The following UBE2E2 variants were observed in gnomAD, a reference collection of about 807,000 sequenced individuals.
The protein encoded by UBE2E2 is ubiquitin conjugating enzyme E2 E2.
A neutral mutation model predicts 24.7 loss-of-function variants in UBE2E2; 6 were observed. That is an observed-to-expected ratio of 0.24 (90% confidence interval 0.13 to 0.48). The LOEUF (loss-of-function observed/expected upper bound fraction) is 0.48. Among genes scored for constraint, UBE2E2 ranks in the 20% least tolerant of loss-of-function variants. UBE2E2 has a pLI of 0.99. For missense variants in UBE2E2, 169 were observed against 245.0 expected, an observed-to-expected ratio of 0.69 and a Z score of 2.07; for synonymous variants, 104 against 83.6, an observed-to-expected ratio of 1.24 and a Z score of -1.33.
intron 3 of UBE2E2, among the ~76,000 whole-genome samples, chr3:23,335,883 A>G (rs1017595925): frequency 6.6e-6 from 1 of 152,166 alleles, no homozygotes; most frequent in Non-Finnish European, 1.5e-5. Context: ...TACTACGAAC[A>G]AGGTAAAAGG....
chr3:23,521,446 G>A (rs865816019), intron 4 of UBE2E2, among the ~76,000 whole-genome samples: 19 of 152,172 alleles, frequency 1.2e-4, no homozygotes, highest in Non-Finnish European at 2.6e-4. Flanking sequence ...AGCCAGAAAT[G>A]AATCATCTTG....
chr3:23,526,736 T>G (rs538117687), intron 4 of UBE2E2, among the ~76,000 whole-genome samples: 1 of 152,320 alleles, frequency 6.6e-6, no homozygotes, highest in South Asian at 2.1e-4. Flanking sequence ...TTAGAACATG[T>G]TGGAACAGTC....
Position 23,591,502 on chromosome 3 carries a change from T to G in UBE2E2, c.*1671T>G, listed in dbSNP as rs992044971. On this transcript the variant is annotated 3_prime_UTR_variant, in exon 6 of 6. Transcript: ENST00000396703. ...GTCTTTTTAATAACGATTTTACCAT[T>G]CATTTTATTTAAAAACATTTCTCAG... 6.6e-6 allele frequency: 1 copy of G among 152,212 alleles called. No individual in the cohort carries two copies. Among genetic ancestry groups the G allele is most frequent in the Non-Finnish European group, 1.5e-5 (1 of 68,040 alleles). The allele number at this position is 152,212 out of a possible 1,614,324, so 9.4% of individuals were successfully genotyped here. A position where few individuals can be genotyped will look rare whatever the true frequency, so the allele number is the denominator to read the frequency against.
At chr3:23,314,885 T>G (rs1197975956) in intron 3 of UBE2E2, among the ~76,000 whole-genome samples, 1 of 152,224 alleles carries the variant, frequency 6.6e-6, no homozygotes, top group East Asian at 1.9e-4. Context: ...TCCTTTATTC[T>G]TGAACTTTGG....
At chr3:23,558,848 C>T (rs538016065) in intron 5 of UBE2E2, among the ~76,000 whole-genome samples, 2 of 152,184 alleles carry the variant, frequency 1.3e-5, no homozygotes, top group South Asian at 4.2e-4. Flanking sequence ...TCCCTTGAGC[C>T]CAGGAGCTCA....
At chr3:23,275,996 G>A (rs1011449729) in intron 3 of UBE2E2, among the ~76,000 whole-genome samples, 7 of 152,110 alleles carry the variant, frequency 4.6e-5, no homozygotes, top group Non-Finnish European at 1.0e-4. Context: ...TTAACTGAAT[G>A]ATACCAGGGG....
chr3:23,278,933 C>T lies in UBE2E2; in HGVS notation c.227+61621C>T, dbSNP rs77306960. On this transcript the variant is annotated intron_variant, in intron 3 of 5. Transcript: ENST00000396703. The stretch of plus-strand genomic sequence containing the variant: ...AGCATTAGGATAGCAGTCACATGTT[C>T]ATTTTCCAGTTTTTTTTAATAATTT... Among the ~76,000 whole-genome samples, 69 of 135,676 alleles carry T rather than the reference C, an allele frequency of 5.1e-4. No individual in the cohort carries two copies. The East Asian group carries it at 0.013, about 25-fold the overall frequency. The allele number at this position is 135,676 out of a possible 152,430, so 89.0% of individuals were successfully genotyped here.
chr3:23,361,896 T>G lies in UBE2E2; in HGVS notation c.228-137712T>G, dbSNP rs190731724. ...AACCATTTTTTAGAAAATCATGTAT[T>G]TGAATGTTGAGTATAGTACAAGACC... On this transcript the variant is annotated intron_variant, in intron 3 of 5. Transcript: ENST00000396703. Among the ~76,000 whole-genome samples, 20 of 152,334 alleles carry G rather than the reference T, an allele frequency of 1.3e-4. No homozygotes were observed. In the East Asian group the frequency reaches 3.9e-3, roughly 29 times the overall value.
At chr3:23,479,569 T>C (rs1699210972) in intron 3 of UBE2E2, among the ~76,000 whole-genome samples, 1 of 152,180 alleles carries the variant, frequency 6.6e-6, no homozygotes, top group Non-Finnish European at 1.5e-5. Context: ...GCACTGTTTG[T>C]ATTACAGCTC....
At chr3:23,217,229 T>G in intron 2 of UBE2E2, 33 bp from the exon 3 acceptor site, 1 of 1,577,468 alleles carries the variant, frequency 6.3e-7, no homozygotes, top group Non-Finnish European at 8.7e-7. Context: ...TGAAGATATT[T>G]TTAACATAAT....
At chr3:23,261,344 A>G (rs927857125) in intron 3 of UBE2E2, among the ~76,000 whole-genome samples, 2 of 152,112 alleles carry the variant, frequency 1.3e-5, no homozygotes, top group Non-Finnish European at 2.9e-5. Context: ...TGACAATAAA[A>G]TTGTGTATAT....
At chr3:23,405,256 C>T (rs568770061) in intron 3 of UBE2E2, among the ~76,000 whole-genome samples, 2 of 152,184 alleles carry the variant, frequency 1.3e-5, no homozygotes, top group East Asian at 3.9e-4. Flanking sequence ...TGCCTCTGAG[C>T]CTTTGTATCA....
intron 3 of UBE2E2, among the ~76,000 whole-genome samples, chr3:23,269,855 G>C (rs1470178173): frequency 6.6e-6 from 1 of 152,136 alleles, no homozygotes; most frequent in African/African-American, 2.4e-5. Flanking sequence ...AGAAAAAGGG[G>C]AAAAATGTTT....
Position 23,208,716 on chromosome 3 carries a change from A to C in UBE2E2, c.17A>C (p.Gln6Pro), listed in dbSNP as rs1319169551. 1 of 1,608,930 alleles carries C rather than the reference A, an allele frequency of 6.2e-7. No homozygotes were observed. Among genetic ancestry groups the C allele is most frequent in the Non-Finnish European group, 8.5e-7 (1 of 1,177,962 alleles). ...GGATCTAAAATGTCCACTGAGGCAC[A>C]AAGAGTTGATGACAGTCCAAGCACT... MSTEAQRVDDSPSTSG... is the reference protein window; with the variant it reads MSTEAPRVDDSPSTSG... Residue 6 changes from glutamine to proline, a missense_variant, in exon 2 of 6, where the codon CAA becomes CCA. Coordinates refer to ENST00000396703, the MANE Select transcript of UBE2E2 (RefSeq NM_152653.4).
chr3:23,575,892 G>C (rs1005734496), intron 5 of UBE2E2, among the ~76,000 whole-genome samples: 6 of 152,152 alleles, frequency 3.9e-5, no homozygotes, highest in African/African-American at 1.2e-4. Context: ...GCAAAGGAAT[G>C]CCTTATAGTT....
At chr3:23,449,084 G>A (rs1367971874) in intron 3 of UBE2E2, among the ~76,000 whole-genome samples, 1 of 152,154 alleles carries the variant, frequency 6.6e-6, no homozygotes, top group Admixed American at 6.5e-5. Flanking sequence ...TATACTAGCA[G>A]AAAGAGTTTA....
At chr3:23,441,187 G>A (rs1162034265) in intron 3 of UBE2E2, among the ~76,000 whole-genome samples, 1 of 151,950 alleles carries the variant, frequency 6.6e-6, no homozygotes, top group East Asian at 1.9e-4. Flanking sequence ...AAGGTTGGCA[G>A]GCAACAATTG....
At chr3:23,388,509 A>G (rs1015749995) in intron 3 of UBE2E2, among the ~76,000 whole-genome samples, 1 of 152,230 alleles carries the variant, frequency 6.6e-6, no homozygotes, top group African/African-American at 2.4e-5. Context: ...AGAATGTCCG[A>G]GAGGTTTTAA....
rs1390149541 is a variant in UBE2E2 at position 23,458,429 on chromosome 3, T to TGGTGGTGGTGGTG, written c.228-41178_228-41177insGTGGTGGTGGTGG. 8.8e-3 allele frequency among the ~76,000 whole-genome samples: 640 copies of TGGTGGTGGTGGTG among 73,084 alleles called. 6 individuals carry two copies. Among genetic ancestry groups the TGGTGGTGGTGGTG allele is most frequent in the African/African-American group, 0.032 (436 of 13,434 alleles). 47.9% of individuals were successfully genotyped at this position (73,084 alleles called of 152,430 possible). ...TGGTGGTGGTGGTGGTGGTGGTGGT[T>TGGTGGTGGTGGTG]GTTGTTGTTTGAGACGGAGTCTCTA... is the stretch of plus-strand genomic sequence containing the variant. On this transcript the variant is annotated intron_variant, in intron 3 of 5. Coordinates refer to ENST00000396703, the MANE Select transcript of UBE2E2 (RefSeq NM_152653.4).
Sources: allele counts gnomAD v4.1 joint callset (sites outside exome capture counted in the v4.1 genomes callset), GRCh38; gene constraint gnomAD v4.1.1; transcripts MANE v1.5; gene names NCBI Gene and HGNC (gene_info 2026-07-23, HGNC 2026-07-21).